Variants in CNOT6 observed in about 807,000 individuals in gnomAD.
CNOT6 encodes carbon catabolite repression 4 protein.
Under a neutral mutation model 61.2 loss-of-function variants are expected in CNOT6, and 12 were observed. That is an observed-to-expected ratio of 0.20 (90% CI 0.13 to 0.32). The LOEUF (loss-of-function observed/expected upper bound fraction) is 0.32, where lower values mean the gene tolerates loss of function less well. Ranked by LOEUF, CNOT6 falls within the 10% of genes least tolerant of loss-of-function variation. The probability of loss-of-function intolerance (pLI) is 1.00; values close to 1 mark genes in which losing one functional copy is unlikely to be tolerated. For synonymous variants in CNOT6, 225 were observed against 240.6 expected (o/e 0.94, Z 0.60); for missense variants, 405 against 663.9 (o/e 0.61, Z 4.28).
intron 2 of CNOT6, among the ~76,000 whole-genome samples, chr5:180,532,485 A>G (rs1474190756): frequency 1.3e-5 from 2 of 152,152 alleles, no homozygotes; most frequent in African/African-American, 2.4e-5. Context: ...GTATACACAT[A>G]TAGGGAAAAA....
At position 180,550,647 on chromosome 5, in the gene CNOT6, C is replaced by T. The variant is rs905293026; in HGVS notation, c.299+530C>T. ...TAATTACTGTATTTTGTGTAATAGA[C>T]TTTATTTTTGAATGAGAAAGTTTGG... On this transcript the variant is annotated intron_variant, in intron 3 of 11. Transcript: ENST00000261951. 2.0e-5 allele frequency among the ~76,000 whole-genome samples: 3 copies of T among 152,030 alleles called. No homozygotes were observed. In the East Asian group the frequency reaches 5.8e-4, roughly 29 times the overall value.
intron 4 of CNOT6, among the ~76,000 whole-genome samples, chr5:180,560,591 A>G (rs759777266): frequency 3.3e-5 from 5 of 151,878 alleles, no homozygotes; most frequent in African/African-American, 4.8e-5. Context: ...TCGTCATTCC[A>G]ATTTGTTTTT....
chr5:180,558,465 C>T (rs558982020), intron 4 of CNOT6, among the ~76,000 whole-genome samples: 7 of 150,858 alleles, frequency 4.6e-5, no homozygotes, highest in African/African-American at 1.7e-4. Flanking sequence ...CTAGTGCTTT[C>T]CAGCGTAGCC....
chr5:180,518,001 C>G (rs1256488522), intron 1 of CNOT6, among the ~76,000 whole-genome samples: 1 of 116,650 alleles, frequency 8.6e-6, no homozygotes, highest in Non-Finnish European at 2.1e-5. Context: ...TCTCTTCCCC[C>G]ATCTCCCCCT....
chr5:180,505,609 G>A lies in CNOT6; in HGVS notation c.-3+10846G>A, dbSNP rs577702738. ...GTCGCCCAGTCTGGACTGCAGTGGC[G>A]CGATCTCGGCTCACTGCAAGCTCCG... On this transcript the variant is annotated intron_variant, in intron 1 of 11. Transcript: ENST00000261951. Among the ~76,000 whole-genome samples, 54 of 140,300 alleles carry A rather than the reference G, an allele frequency of 3.8e-4. No homozygotes were observed. The Middle Eastern group carries it at 0.01, about 27-fold the overall frequency. The allele number at this position is 140,300 out of a possible 152,430, so 92.0% of individuals were successfully genotyped here.
chr5:180,515,315 C>T (rs960266316), intron 1 of CNOT6, among the ~76,000 whole-genome samples: 1 of 151,848 alleles, frequency 6.6e-6, no homozygotes, highest in Non-Finnish European at 1.5e-5. Context: ...GTGCCTGAGC[C>T]CAGGAGCCTA....
chr5:180,539,826 T>C (rs550993689), intron 2 of CNOT6, among the ~76,000 whole-genome samples: 1 of 152,154 alleles, frequency 6.6e-6, no homozygotes, highest in South Asian at 2.1e-4. Flanking sequence ...CCTGACCTCA[T>C]GATCCGCCCG....
chr5:180,542,514 C>T (rs1174681708), intron 2 of CNOT6, among the ~76,000 whole-genome samples: 4 of 152,236 alleles, frequency 2.6e-5, no homozygotes, highest in African/African-American at 9.6e-5. Flanking sequence ...ATCCACCCAC[C>T]TTGGCCTACC....
intron 1 of CNOT6, among the ~76,000 whole-genome samples, chr5:180,503,262 CTTTTTTTTT>C (rs66503357): frequency 7.5e-6 from 1 of 133,848 alleles, no homozygotes; most frequent in African/African-American, 2.7e-5. Flanking sequence ...TTGTATTTTT[CTTTTTTTTT>C]TTTTTTTTGA....
chr5:180,517,480 T>C (rs1329316565), intron 1 of CNOT6, among the ~76,000 whole-genome samples: 1 of 152,058 alleles, frequency 6.6e-6, no homozygotes, highest in Non-Finnish European at 1.5e-5. Context: ...ATGATGTTGC[T>C]TGAAAAAAAT....
intron 1 of CNOT6, among the ~76,000 whole-genome samples, chr5:180,508,896 C>A (rs977332436): frequency 1.3e-5 from 2 of 151,474 alleles, no homozygotes; most frequent in Non-Finnish European, 2.9e-5. Context: ...GATCCTGGCT[C>A]GCTGCAACTC....
intron 10 of CNOT6, among the ~76,000 whole-genome samples, chr5:180,569,779 C>G (rs756440747): frequency 1.3e-5 from 2 of 152,152 alleles, no homozygotes; most frequent in Non-Finnish European, 2.9e-5. Context: ...GGAAAATGAG[C>G]TCCTTTATTT....
chr5:180,499,874 A>T (rs1452064247), intron 1 of CNOT6, among the ~76,000 whole-genome samples: 1 of 152,222 alleles, frequency 6.6e-6, no homozygotes, highest in Non-Finnish European at 1.5e-5. Context: ...AGAAGCAAAT[A>T]GGTGTGGCTC....
At chr5:180,556,198 G>A (rs1241432501) in intron 4 of CNOT6, among the ~76,000 whole-genome samples, 1 of 152,138 alleles carries the variant, frequency 6.6e-6, no homozygotes, top group Non-Finnish European at 1.5e-5. Flanking sequence ...TCTCATTTAT[G>A]TGTGAAGTCT....
intron 1 of CNOT6, among the ~76,000 whole-genome samples, chr5:180,504,355 G>A (rs974914788): frequency 1.3e-5 from 2 of 152,162 alleles, no homozygotes; most frequent in African/African-American, 4.8e-5. Flanking sequence ...GAAAAGACTA[G>A]TGGATCAAAA....
intron 2 of CNOT6, among the ~76,000 whole-genome samples, chr5:180,549,484 C>A (rs765119810): frequency 1.3e-5 from 2 of 151,990 alleles, no homozygotes; most frequent in African/African-American, 4.8e-5. Context: ...CCCGTCTCTA[C>A]TAAAAATAGA....
chr5:180,560,429 G>GT (rs1443219813), intron 4 of CNOT6, among the ~76,000 whole-genome samples: 5 of 151,682 alleles, frequency 3.3e-5, no homozygotes, highest in African/African-American at 1.2e-4. Context: ...GATTCTGTTA[G>GT]TTTTTTGTCC....
rs372697922 is a variant in CNOT6, at chr5:180,569,059, G to A, written c.1028-51G>A. ...TTTCAGACGCTGTAAGAATATATGG[G>A]CTGATGGGCGGGTTTTGTCTCTTTC... On this transcript the variant is annotated intron_variant, in intron 9 of 11. Coordinates refer to ENST00000261951, the MANE Select transcript of CNOT6 (RefSeq NM_001370472.1). The A allele has an allele frequency of 2.2e-5, 29 of 1,337,386 alleles. No individual in the cohort carries two copies. The African/African-American group carries it at 3.9e-4, about 18-fold the overall frequency. 82.8% of individuals were successfully genotyped at this position (1,337,386 alleles called of 1,614,324 possible).
At chr5:180,568,970 A>T (rs1760610457) in intron 9 of CNOT6, 140 bp from the exon 10 acceptor site, 3 of 640,036 alleles carry the variant, frequency 4.7e-6, no homozygotes. Flanking sequence ...TGTAGGGCAC[A>T]TTCAGTCATC....
Sources: allele counts gnomAD v4.1 joint callset (sites outside exome capture counted in the v4.1 genomes callset), GRCh38; gene constraint gnomAD v4.1.1; transcripts MANE v1.5; gene names NCBI Gene and HGNC (gene_info 2026-07-23, HGNC 2026-07-21).